The following SCHIP1 variants were observed in gnomAD, a reference collection of about 807,000 sequenced individuals.
SCHIP1 encodes the protein schwannomin interacting protein 1.
In SCHIP1, 8 loss-of-function variants were observed where a neutral mutation model predicts 29.7. The observed-to-expected ratio is 0.27, with a 90% CI of 0.16 to 0.49. The LOEUF is 0.49. Ranked by LOEUF, SCHIP1 falls within the 20% of genes least tolerant of loss-of-function variation. The pLI is 0.99. For missense variants in SCHIP1, 193 were observed against 294.6 expected, an observed-to-expected ratio of 0.66 and a Z score of 2.52; for synonymous variants, 76 against 94.9, an observed-to-expected ratio of 0.80 and a Z score of 1.16.
the SCHIP1 span, among the ~76,000 whole-genome samples, chr3:159,654,802 TAAA>T: frequency 5.7e-4 from 59 of 103,736 alleles, no homozygotes; most frequent in East Asian, 5.8e-4. Context: ...TGACTTTAAG[TAAA>T]AAAAAAAAAA....
At chr3:159,400,644 T>G in the SCHIP1 span, among the ~76,000 whole-genome samples, 1 of 152,208 alleles carries the variant, frequency 6.6e-6, no homozygotes, top group Non-Finnish European at 1.5e-5. Context: ...CTGACTGTGG[T>G]GTCCTCTGCT....
chr3:159,750,682 G>T, the SCHIP1 span, among the ~76,000 whole-genome samples: 50 of 152,242 alleles, frequency 3.3e-4, no homozygotes, highest in East Asian at 8.9e-3. Context: ...GTAGGGTTGG[G>T]TGTATACAGC....
chr3:159,398,811 A>G, the SCHIP1 span: 2 of 174,198 alleles, frequency 1.1e-5, no homozygotes, highest in Non-Finnish European at 2.3e-5. Context: ...AGAAGTCTGG[A>G]GAAAGGACAG....
the SCHIP1 span, among the ~76,000 whole-genome samples, chr3:159,662,779 C>G: frequency 6.6e-6 from 1 of 152,170 alleles, no homozygotes; most frequent in South Asian, 2.1e-4. Context: ...AGAGGCAGAG[C>G]CAAGATATGA....
the SCHIP1 span, among the ~76,000 whole-genome samples, chr3:159,591,374 T>A: frequency 4.4e-4 from 67 of 152,240 alleles, no homozygotes; most frequent in African/African-American, 1.6e-3. Context: ...TCCTCAAGGA[T>A]CTAGAATCAG....
At chr3:159,605,216 T>C in the SCHIP1 span, among the ~76,000 whole-genome samples, 22 of 152,204 alleles carry the variant, frequency 1.4e-4, no homozygotes, top group Non-Finnish European at 3.2e-4. Context: ...AAATAATAAA[T>C]GTAGGGCTTC....
chr3:159,287,637 T>A, the SCHIP1 span, among the ~76,000 whole-genome samples: 2 of 152,194 alleles, frequency 1.3e-5, no homozygotes, highest in South Asian at 2.1e-4. Flanking sequence ...CGTCTAAGTA[T>A]TTTACATATG....
At chr3:159,518,343 G>A in the SCHIP1 span, among the ~76,000 whole-genome samples, 12 of 152,114 alleles carry the variant, frequency 7.9e-5, no homozygotes, top group African/African-American at 2.9e-4. Context: ...GGATTTTAAT[G>A]GTTATTTTTA....
the SCHIP1 span, among the ~76,000 whole-genome samples, chr3:159,569,694 T>C: frequency 6.6e-6 from 1 of 152,200 alleles, no homozygotes; most frequent in African/African-American, 2.4e-5. Flanking sequence ...AATAATTGGA[T>C]TACTGGGTCA....
chr3:159,617,712 AC>A, the SCHIP1 span, among the ~76,000 whole-genome samples: 119 of 151,376 alleles, frequency 7.9e-4, no homozygotes, highest in South Asian at 0.013. Flanking sequence ...ACCATTTACT[AC>A]CCCCCCTAGG....
chr3:159,704,893 TTTC>T, the SCHIP1 span, among the ~76,000 whole-genome samples: 2 of 79,712 alleles, frequency 2.5e-5, no homozygotes, highest in Non-Finnish European at 4.3e-5. Flanking sequence ...TCTTTCTTTC[TTTC>T]TTTCTTTCTT....
the SCHIP1 span, among the ~76,000 whole-genome samples, chr3:159,396,417 G>A: frequency 0.98 from 132,307 of 135,260 alleles, 64,709 homozygotes; most frequent in East Asian, 1. Context: ...TCCTAGTCTC[G>A]ATGGTCTTTA....
the SCHIP1 span, among the ~76,000 whole-genome samples, chr3:159,497,863 G>A: frequency 5.9e-5 from 9 of 152,088 alleles, no homozygotes; most frequent in Non-Finnish European, 1.5e-5. Context: ...CCTCCCTACC[G>A]TGCCACTGCT....
chr3:159,876,721 TATC>T (rs1272977336), intron 2 of SCHIP1, among the ~76,000 whole-genome samples: 1 of 152,240 alleles, frequency 6.6e-6, no homozygotes, highest in East Asian at 1.9e-4. Context: ...CATACGCTTT[TATC>T]ATATGTTTCT....
the SCHIP1 span, among the ~76,000 whole-genome samples, chr3:159,441,861 A>G: frequency 2.0e-4 from 31 of 151,264 alleles, no homozygotes; most frequent in African/African-American, 6.8e-4. Flanking sequence ...TATTATTACT[A>G]TTATTATTAT....
chr3:159,729,563 C>T, the SCHIP1 span, among the ~76,000 whole-genome samples: 2 of 151,962 alleles, frequency 1.3e-5, no homozygotes, highest in South Asian at 4.1e-4. Flanking sequence ...AGTTAGAAAA[C>T]ATAATGAAAA....
the SCHIP1 span, among the ~76,000 whole-genome samples, chr3:159,695,183 C>T: frequency 6.6e-6 from 1 of 152,166 alleles, no homozygotes; most frequent in Non-Finnish European, 1.5e-5. Flanking sequence ...AACTAAACAC[C>T]TTGAATGGCT....
chr3:159,386,769 A>G, the SCHIP1 span: 2 of 152,344 alleles, frequency 1.3e-5, no homozygotes, highest in African/African-American at 4.8e-5. Flanking sequence ...TGTCATGGCC[A>G]TAGCTAGAAC....
chr3:159,387,083 C>T, the SCHIP1 span: 1 of 175,580 alleles, frequency 5.7e-6, no homozygotes, highest in African/African-American at 2.4e-5. Flanking sequence ...GTCAGTCACT[C>T]CACAAGGAAT....
Sources: gnomAD v4.1 joint callset for allele counts (sites outside exome capture counted in the v4.1 genomes callset) on GRCh38, gnomAD v4.1.1 for gene constraint, MANE v1.5 for transcripts, NCBI Gene and HGNC (gene_info 2026-07-23, HGNC 2026-07-21) for gene names.